The following FAR2 variants were observed in gnomAD, a reference collection of about 807,000 sequenced individuals.
The protein encoded by FAR2 is epididymis secretory protein Li 81.
FAR2 carries 19 observed loss-of-function variants against 56.0 expected under a neutral mutation model. That is an observed-to-expected ratio of 0.34 (90% CI 0.24 to 0.50). The LOEUF is 0.50. Among genes scored for constraint, FAR2 ranks in the 20% least tolerant of loss-of-function variants. The pLI is 0.98. For synonymous variants in FAR2, 219 were observed against 218.8 expected, an observed-to-expected ratio of 1.00 and a Z score of -0.01; for missense variants, 508 against 642.2, an observed-to-expected ratio of 0.79 and a Z score of 2.26.
chr12:29,300,202 C>A (rs537724950), intron 4 of FAR2, among the ~76,000 whole-genome samples: 1 of 152,282 alleles, frequency 6.6e-6, no homozygotes, highest in South Asian at 2.1e-4. Flanking sequence ...TTTTGGGATG[C>A]AGAAGTCTTA....
intron 1 of FAR2, among the ~76,000 whole-genome samples, chr12:29,216,929 G>T (rs879645218): frequency 1.3e-5 from 2 of 152,174 alleles, no homozygotes; most frequent in South Asian, 2.1e-4. Flanking sequence ...CTTTGCCAAA[G>T]AAACTAAACG....
intron 1 of FAR2, among the ~76,000 whole-genome samples, chr12:29,154,572 C>G (rs1465367047): frequency 2.0e-5 from 3 of 151,932 alleles, no homozygotes; most frequent in Non-Finnish European, 4.4e-5. Context: ...GTAGCTGGGA[C>G]TATAGGCGCC....
At chr12:29,196,793 C>G (rs1347979316) in intron 1 of FAR2, among the ~76,000 whole-genome samples, 1 of 152,096 alleles carries the variant, frequency 6.6e-6, no homozygotes, top group Non-Finnish European at 1.5e-5. Context: ...AGCTTCTGCA[C>G]AGCAAAAGAA....
chr12:29,233,527 G>T (rs1484949201), intron 1 of FAR2, among the ~76,000 whole-genome samples: 2 of 152,104 alleles, frequency 1.3e-5, no homozygotes, highest in African/African-American at 2.4e-5. Flanking sequence ...TGTACCATCT[G>T]TCAACTTCCT....
chr12:29,193,887 C>A (rs1393894349), intron 1 of FAR2, among the ~76,000 whole-genome samples: 1 of 152,184 alleles, frequency 6.6e-6, no homozygotes, highest in East Asian at 1.9e-4. Flanking sequence ...GAGTTCCTAT[C>A]GCTCCACATT....
chr12:29,278,816 T>G (rs1392283098), intron 2 of FAR2, among the ~76,000 whole-genome samples: 1 of 152,256 alleles, frequency 6.6e-6, no homozygotes, highest in African/African-American at 2.4e-5. Context: ...GAAAAATGTT[T>G]AAAATTGCAA....
At chr12:29,174,423 C>CTTTTTTTTTTTTTTTTTTTT (rs55827253) in intron 1 of FAR2, among the ~76,000 whole-genome samples, 2 of 55,422 alleles carry the variant, frequency 3.6e-5, no homozygotes, top group Non-Finnish European at 2.9e-5. Flanking sequence ...GGTTTTTATT[C>CTTTTTTTTTTTTTTTTTTTT]TTTTTTTTTT....
At chr12:29,223,210 A>G (rs1947718304) in intron 1 of FAR2, among the ~76,000 whole-genome samples, 1 of 152,168 alleles carries the variant, frequency 6.6e-6, no homozygotes. Context: ...GAAGTTACTC[A>G]ATTATAATAT....
At chr12:29,274,837 C>T (rs1383875671) in intron 2 of FAR2, among the ~76,000 whole-genome samples, 2 of 151,584 alleles carry the variant, frequency 1.3e-5, no homozygotes, top group Non-Finnish European at 2.9e-5. Context: ...CGGCCCCCAC[C>T]CCTATCTCCC....
intron 1 of FAR2, among the ~76,000 whole-genome samples, 186 bp downstream of exon 1, chr12:29,149,593 C>A (rs1285893520): frequency 6.6e-6 from 1 of 152,224 alleles, no homozygotes; most frequent in African/African-American, 2.4e-5. Flanking sequence ...GGAGGCTCTG[C>A]CCCCTGAAGC....
chr12:29,227,694 A>G (rs989668278), intron 1 of FAR2, among the ~76,000 whole-genome samples: 3 of 152,232 alleles, frequency 2.0e-5, no homozygotes, highest in African/African-American at 7.2e-5. Context: ...ATACTGAAAT[A>G]AGAGATAAGA....
chr12:29,325,244 A>T (rs1003936056), intron 10 of FAR2, among the ~76,000 whole-genome samples: 2 of 152,232 alleles, frequency 1.3e-5, no homozygotes, highest in African/African-American at 4.8e-5. Flanking sequence ...ACCCAGATTC[A>T]TAAAGCAAGC....
rs67550947 is a variant in FAR2 at position 29,193,314 on chromosome 12, G to A, written c.-39+43907G>A. On this transcript the variant is annotated intron_variant, in intron 1 of 11. Transcript: ENST00000536681. ...GGTGGTGTTCTTTCTATAGGTTTGG[G>A]CAAATGTTTAATAACATGTTTCCAC... Among the ~76,000 whole-genome samples, 1,465 of 152,172 alleles carry A rather than the reference G, an allele frequency of 9.6e-3. 17 individuals carry two copies. The highest frequency in any genetic ancestry group is 0.023 in the African/African-American group (945 of 41,498).
intron 1 of FAR2, among the ~76,000 whole-genome samples, chr12:29,218,120 G>A (rs1411699104): frequency 1.3e-5 from 2 of 152,126 alleles, no homozygotes; most frequent in Non-Finnish European, 2.9e-5. Context: ...AGTTTGGGAG[G>A]CCAAGGCGGG....
At position 29,333,650 on chromosome 12, in the gene FAR2, C is replaced by T. The variant is rs772394236; in HGVS notation, c.1404C>T (p.Tyr468=). 12 of 1,613,448 alleles carry T rather than the reference C, an allele frequency of 7.4e-6. No individual in the cohort carries two copies. Among genetic ancestry groups the T allele is most frequent in the Non-Finnish European group, 1.0e-5 (12 of 1,179,580 alleles). The stretch of plus-strand genomic sequence containing the variant: ...TCCCTAGGCTCCGAAATATTCACTA[C>T]CTCTTTAATACTGCCCTCTTCCTTA... The part of the protein sequence containing the change: ...QRLKRLRNIH[Y]LFNTALFLIA... Residue 468 remains tyrosine, a synonymous_variant, in exon 12 of 12, where the codon TAC becomes TAT. Coordinates refer to ENST00000536681, the MANE Select transcript of FAR2 (RefSeq NM_001271783.2).
At chr12:29,219,014 G>A (rs1207932274) in intron 1 of FAR2, among the ~76,000 whole-genome samples, 2 of 152,026 alleles carry the variant, frequency 1.3e-5, no homozygotes, top group African/African-American at 2.4e-5. Flanking sequence ...TCAGCGTCTT[G>A]AGTAGCTGGG....
At chr12:29,195,248 G>A (rs1345876860) in intron 1 of FAR2, among the ~76,000 whole-genome samples, 2 of 152,176 alleles carry the variant, frequency 1.3e-5, no homozygotes, top group Non-Finnish European at 2.9e-5. Flanking sequence ...AATCTCATCT[G>A]TTATGGGTAG....
At chr12:29,269,112 G>A (rs1258612524) in intron 1 of FAR2, among the ~76,000 whole-genome samples, 2 of 152,058 alleles carry the variant, frequency 1.3e-5, no homozygotes, top group Non-Finnish European at 2.9e-5. Context: ...ATTATTAGGC[G>A]GGAATTTCCT....
At chr12:29,216,031 G>A (rs1442477129) in intron 1 of FAR2, among the ~76,000 whole-genome samples, 2 of 152,140 alleles carry the variant, frequency 1.3e-5, no homozygotes, top group Admixed American at 1.3e-4. Context: ...ACAGGCTGAA[G>A]TAAACTTATA....
Sources: gnomAD v4.1 joint callset for allele counts (sites outside exome capture counted in the v4.1 genomes callset) on GRCh38, gnomAD v4.1.1 for gene constraint, MANE v1.5 for transcripts, NCBI Gene and HGNC (gene_info 2026-07-23, HGNC 2026-07-21) for gene names.